The following RAB28 variants were observed in gnomAD, a reference collection of about 807,000 sequenced individuals.
RAB28 encodes the protein RAB28, member RAS oncogene family, also known as ras-related protein Rab-28.
RAB28 carries 24 observed loss-of-function variants against 31.7 expected under a neutral mutation model. The ratio of observed to expected loss-of-function variants is 0.76; its 90% CI spans 0.55 to 1.06. The LOEUF is 1.06. Ranked by LOEUF, RAB28 falls within the 50% of genes least tolerant of loss-of-function variation. RAB28 has a pLI of 0.00. For synonymous variants in RAB28, 100 were observed against 90.4 expected (o/e 1.11, Z -0.60); for missense variants, 254 against 258.5 (o/e 0.98, Z 0.12).
chr4:13,391,408 G>A (rs575541087), intron 4 of RAB28, among the ~76,000 whole-genome samples: 67 of 152,302 alleles, frequency 4.4e-4, no homozygotes, highest in Non-Finnish European at 8.8e-4. Context: ...GGAAACAACA[G>A]ATGCTGGAGA....
rs896787853 is a variant in RAB28, at chr4:13,479,283, T to C, written c.172+147A>G. ...AATATGCTTTCATGATAGATTGTGA[T>C]GAAAGTTAACATCCCTAAGATAAAT... On this transcript the variant is annotated intron_variant, in intron 2 of 6. Transcript: ENST00000330852. 12 of 602,884 alleles carry C rather than the reference T, an allele frequency of 2.0e-5. No individual in the cohort carries two copies. The African/African-American group carries it at 2.1e-4, about 11-fold the overall frequency. 37.3% of individuals were successfully genotyped at this position (602,884 alleles called of 1,614,324 possible).
chr4:13,387,177 G>A (rs1489119006), intron 4 of RAB28, among the ~76,000 whole-genome samples: 1 of 151,942 alleles, frequency 6.6e-6, no homozygotes, highest in African/African-American at 2.4e-5. Flanking sequence ...GAAAAAATCT[G>A]TACAACAAAC....
chr4:13,471,883 C>T (rs1393810825), intron 3 of RAB28, among the ~76,000 whole-genome samples: 4 of 151,960 alleles, frequency 2.6e-5, no homozygotes. Context: ...AAGACAGAAA[C>T]TTTATACAAG....
At chr4:13,460,050 TAGGAA>T in intron 4 of RAB28, 1 of 451,828 alleles carries the variant, frequency 2.2e-6, no homozygotes, top group Non-Finnish European at 3.8e-6. Flanking sequence ...TACACACTCT[TAGGAA>T]TTTTCTACTC....
chr4:13,401,687 CT>C (rs911634992), intron 4 of RAB28, among the ~76,000 whole-genome samples: 1 of 152,058 alleles, frequency 6.6e-6, no homozygotes, highest in African/African-American at 2.4e-5. Flanking sequence ...TATGTTCTCT[CT>C]TTTTTTATTG....
intron 4 of RAB28, among the ~76,000 whole-genome samples, chr4:13,403,348 G>C (rs549027773): frequency 4.9e-4 from 74 of 152,284 alleles, no homozygotes; most frequent in African/African-American, 1.7e-3. Flanking sequence ...GTCATAGTTT[G>C]CTGACTTGTG....
chr4:13,474,782 T>C (rs1431141072), intron 2 of RAB28, among the ~76,000 whole-genome samples: 1 of 151,668 alleles, frequency 6.6e-6, no homozygotes, highest in Admixed American at 6.6e-5. Flanking sequence ...AAGCTTTATA[T>C]ACTCAACCAT....
intron 5 of RAB28, among the ~76,000 whole-genome samples, chr4:13,377,237 A>G (rs1211958925): frequency 6.6e-6 from 1 of 152,268 alleles, no homozygotes; most frequent in East Asian, 1.9e-4. Context: ...TAGCCTTTCC[A>G]CACATAGTTA....
intron 4 of RAB28, among the ~76,000 whole-genome samples, chr4:13,389,446 T>C (rs1374424648): frequency 6.6e-6 from 1 of 152,132 alleles, no homozygotes; most frequent in Non-Finnish European, 1.5e-5. Context: ...ATGGTAAATT[T>C]TGTAGTTTTT....
chr4:13,438,189 C>G (rs938776481), intron 4 of RAB28, among the ~76,000 whole-genome samples: 2 of 152,110 alleles, frequency 1.3e-5, no homozygotes, highest in African/African-American at 2.4e-5. Context: ...AAATACGAAT[C>G]AAAACACTTT....
At chr4:13,383,599 C>G (rs1729228280) in intron 4 of RAB28, among the ~76,000 whole-genome samples, 1 of 152,086 alleles carries the variant, frequency 6.6e-6, no homozygotes, top group Non-Finnish European at 1.5e-5. Flanking sequence ...TGGCTGTGTC[C>G]TCATCCAAAT....
intron 4 of RAB28, among the ~76,000 whole-genome samples, chr4:13,428,869 G>A (rs1299514547): frequency 6.6e-6 from 1 of 150,550 alleles, no homozygotes; most frequent in Admixed American, 6.6e-5. Context: ...CTGAAATAAA[G>A]GGGAAAAAAA....
intron 4 of RAB28, among the ~76,000 whole-genome samples, chr4:13,393,651 G>T (rs1381961301): frequency 6.6e-6 from 1 of 151,298 alleles, no homozygotes; most frequent in African/African-American, 2.4e-5. Flanking sequence ...CCTCCTATAG[G>T]TTTTCTGATT....
chr4:13,415,174 T>A (rs1712677001), intron 4 of RAB28, among the ~76,000 whole-genome samples: 1 of 152,226 alleles, frequency 6.6e-6, no homozygotes, highest in African/African-American at 2.4e-5. Context: ...TAAAATATGC[T>A]GACTCAATTC....
chr4:13,381,450 A>T, intron 5 of RAB28, 41 bp downstream of exon 5: 3 of 1,405,390 alleles, frequency 2.1e-6, no homozygotes, highest in Non-Finnish European at 3.0e-6. Flanking sequence ...GTTAGTAAAT[A>T]AAAGGAAAAC....
At chr4:13,450,312 C>T (rs1714898630) in intron 4 of RAB28, among the ~76,000 whole-genome samples, 1 of 151,522 alleles carries the variant, frequency 6.6e-6, no homozygotes, top group Non-Finnish European at 1.5e-5. Context: ...ACATAAAATC[C>T]ATGAAATTTT....
intron 4 of RAB28, among the ~76,000 whole-genome samples, chr4:13,390,091 A>C (rs1317408422): frequency 1.3e-5 from 2 of 152,014 alleles, no homozygotes; most frequent in East Asian, 3.9e-4. Flanking sequence ...ATAAGGTATT[A>C]AATTAGGAAA....
At chr4:13,439,447 C>T (rs901322857) in intron 4 of RAB28, among the ~76,000 whole-genome samples, 1 of 152,226 alleles carries the variant, frequency 6.6e-6, no homozygotes, top group Non-Finnish European at 1.5e-5. Context: ...CTCCACCTCC[C>T]AGGCTCAAAT....
intron 4 of RAB28, among the ~76,000 whole-genome samples, chr4:13,409,475 T>G (rs953468244): frequency 3.3e-5 from 5 of 152,132 alleles, no homozygotes; most frequent in African/African-American, 1.2e-4. Context: ...ATACCAAGGG[T>G]GACCTATGAG....
Sources: gnomAD v4.1 joint callset for allele counts (sites outside exome capture counted in the v4.1 genomes callset) on GRCh38, gnomAD v4.1.1 for gene constraint, MANE v1.5 for transcripts, NCBI Gene and HGNC (gene_info 2026-07-23, HGNC 2026-07-21) for gene names.